Variants in ANKS1B observed in about 807,000 individuals in gnomAD.
The protein encoded by ANKS1B is ankyrin repeat and sterile alpha motif domain containing 1B, also known as ankyrin repeat and sterile alpha motif domain-containing protein 1B.
In ANKS1B, 36 loss-of-function variants were observed where a neutral mutation model predicts 148.3. That is an observed-to-expected ratio of 0.24 (90% CI 0.19 to 0.32). The LOEUF is 0.32. ANKS1B is among the 10% of genes least tolerant of loss of function. The pLI is 1.00. For missense variants in ANKS1B, 1,157 were observed against 1,542.6 expected (o/e 0.75, Z 4.19); for synonymous variants, 542 against 560.8 (o/e 0.97, Z 0.47).
At chr12:99,866,530 A>G (rs148402387) in intron 1 of ANKS1B, among the ~76,000 whole-genome samples, 310 of 152,282 alleles carry the variant, frequency 2.0e-3, no homozygotes, top group African/African-American at 7.1e-3. Context: ...ATTTATTTGT[A>G]CATTTGCTGT....
At chr12:99,924,392 T>C (rs2094437558) in intron 1 of ANKS1B, among the ~76,000 whole-genome samples, 1 of 152,234 alleles carries the variant, frequency 6.6e-6, no homozygotes. Context: ...CATTCTCTTT[T>C]TAAAACTTAC....
intron 2 of ANKS1B, among the ~76,000 whole-genome samples, chr12:99,820,032 A>C (rs1020922694): frequency 1.3e-4 from 19 of 151,760 alleles, no homozygotes; most frequent in Non-Finnish European, 2.1e-4. Context: ...TCCATATTTT[A>C]AAAAGAGAAA....
At chr12:99,362,235 A>C (rs1003707114) in intron 12 of ANKS1B, among the ~76,000 whole-genome samples, 11 of 152,144 alleles carry the variant, frequency 7.2e-5, no homozygotes, top group South Asian at 4.1e-4. Context: ...TGATATAATA[A>C]AACCTTATAC....
At chr12:99,196,641 T>C (rs1480599360) in intron 14 of ANKS1B, among the ~76,000 whole-genome samples, 3 of 152,038 alleles carry the variant, frequency 2.0e-5, no homozygotes, top group Non-Finnish European at 2.9e-5. Context: ...ATTATTATTA[T>C]ACTTTAAGTT....
chr12:99,513,117 G>C (rs1364278133), intron 9 of ANKS1B, among the ~76,000 whole-genome samples: 1 of 151,632 alleles, frequency 6.6e-6, no homozygotes, highest in Non-Finnish European at 1.5e-5. Flanking sequence ...TGATCAGTCA[G>C]TGGCCATTCA....
intron 12 of ANKS1B, among the ~76,000 whole-genome samples, chr12:99,306,115 G>C (rs2082305875): frequency 6.6e-6 from 1 of 152,074 alleles, no homozygotes; most frequent in African/African-American, 2.4e-5. Context: ...AGGAAGAAAA[G>C]AAGGTCTTAG....
At chr12:98,807,786 G>T in intron 20 of ANKS1B, 58 bp downstream of exon 20, 5 of 1,473,850 alleles carry the variant, frequency 3.4e-6, no homozygotes, top group Non-Finnish European at 4.7e-6. Flanking sequence ...TGACAACACT[G>T]TGCAACACAG....
chr12:99,466,905 T>C (rs575619425), intron 10 of ANKS1B, among the ~76,000 whole-genome samples: 185 of 152,080 alleles, frequency 1.2e-3, no homozygotes, highest in Non-Finnish European at 2.2e-3. Flanking sequence ...TTCCAATCAA[T>C]AGAAAAAGAG....
chr12:99,890,457 C>T (rs2093035148), intron 1 of ANKS1B, among the ~76,000 whole-genome samples: 1 of 152,154 alleles, frequency 6.6e-6, no homozygotes. Flanking sequence ...GCAACATCAA[C>T]TCTTTCCTGA....
intron 17 of ANKS1B, chr12:98,894,874 G>A (rs112289637): frequency 0.44 from 430,138 of 977,306 alleles, 97,234 homozygotes; most frequent in Middle Eastern, 0.54. Context: ...CGAGCTCCCC[G>A]GGCCCGCGCG....
chr12:99,523,753 C>A (rs1035451105), intron 9 of ANKS1B, among the ~76,000 whole-genome samples: 2 of 151,926 alleles, frequency 1.3e-5, no homozygotes, highest in African/African-American at 4.8e-5. Flanking sequence ...AGGGTCTCAC[C>A]CTGTTAGCCA....
At chr12:98,797,403 C>A (rs2098959550) in intron 22 of ANKS1B, among the ~76,000 whole-genome samples, 1 of 152,158 alleles carries the variant, frequency 6.6e-6, no homozygotes, top group Admixed American at 6.6e-5. Flanking sequence ...ATTTCTTCGT[C>A]TGTAAAATGG....
At chr12:99,424,043 T>C (rs1009797305) in intron 11 of ANKS1B, among the ~76,000 whole-genome samples, 10 of 152,210 alleles carry the variant, frequency 6.6e-5, no homozygotes, top group African/African-American at 2.4e-4. Flanking sequence ...TAGGCTTTTT[T>C]CTATTTTACC....
chr12:99,906,824 C>T (rs1161472464), intron 1 of ANKS1B, among the ~76,000 whole-genome samples: 2 of 151,878 alleles, frequency 1.3e-5, no homozygotes, highest in East Asian at 1.9e-4. Context: ...ATTGTAGTGC[C>T]GGGAGTATGG....
intron 1 of ANKS1B, among the ~76,000 whole-genome samples, chr12:99,877,645 C>T (rs971073075): frequency 6.6e-6 from 1 of 152,200 alleles, no homozygotes; most frequent in Non-Finnish European, 1.5e-5. Flanking sequence ...TGCTTTCCTT[C>T]ATAATTATTA....
At position 99,728,924 on chromosome 12, in the gene ANKS1B, G is replaced by T. The variant is rs538936777; in HGVS notation, c.1128+43998C>A. Among the ~76,000 whole-genome samples, 4 of 152,204 alleles carry T rather than the reference G, an allele frequency of 2.6e-5. No homozygotes were observed. In the South Asian group the frequency reaches 8.3e-4, roughly 32 times the overall value. ...ACCGCATGTTTTCACTCATAAGTGG[G>T]AGCTAAACAATGAGAACACATTTAG... is the stretch of plus-strand genomic sequence containing the variant. On this transcript the variant is annotated intron_variant, in intron 8 of 26. Coordinates refer to ENST00000683438, the MANE Select transcript of ANKS1B (RefSeq NM_001352186.2).
At chr12:99,427,044 C>T (rs920487741) in intron 11 of ANKS1B, among the ~76,000 whole-genome samples, 1 of 152,214 alleles carries the variant, frequency 6.6e-6, no homozygotes, top group Non-Finnish European at 1.5e-5. Context: ...TCTAAAACCA[C>T]TCATTTCCCT....
chr12:99,869,491 T>A (rs1174824585), intron 1 of ANKS1B, among the ~76,000 whole-genome samples: 1 of 151,838 alleles, frequency 6.6e-6, no homozygotes, highest in Non-Finnish European at 1.5e-5. Flanking sequence ...CTGACCAACA[T>A]GGAGAAACCC....
chr12:99,025,380 G>T (rs2099948150), intron 17 of ANKS1B, among the ~76,000 whole-genome samples: 1 of 152,170 alleles, frequency 6.6e-6, no homozygotes, highest in South Asian at 2.1e-4. Context: ...CTCATAATTT[G>T]TTTTGAGTTC....
Sources: gnomAD v4.1 joint callset for allele counts (sites outside exome capture counted in the v4.1 genomes callset) on GRCh38, gnomAD v4.1.1 for gene constraint, MANE v1.5 for transcripts, NCBI Gene and HGNC (gene_info 2026-07-23, HGNC 2026-07-21) for gene names.